Variants in EYS observed in about 807,000 individuals in gnomAD.
The protein encoded by EYS is EGF-like photoreceptor maintenance factor.
Under a neutral mutation model 282.1 loss-of-function variants are expected in EYS, and 250 were observed. That is an observed-to-expected ratio of 0.89 (90% CI 0.80 to 0.98). The LOEUF (loss-of-function observed/expected upper bound fraction) is 0.98, where lower values mean the gene tolerates loss of function less well. Among genes scored for constraint, EYS ranks in the 50% least tolerant of loss-of-function variants. The pLI, the probability that EYS is intolerant of heterozygous loss-of-function variation, is 0.00. For synonymous variants in EYS, 1,355 were observed against 1,282.9 expected (o/e 1.06, Z -1.20); for missense variants, 4,016 against 3,709.0 (o/e 1.08, Z -2.15).
intron 22 of EYS, among the ~76,000 whole-genome samples, chr6:64,688,544 T>C (rs1770246334): frequency 2.0e-5 from 3 of 152,194 alleles, no homozygotes; most frequent in Non-Finnish European, 4.4e-5. Flanking sequence ...TTGAGTGAGT[T>C]TCTTAATCCT....
intron 1 of EYS, among the ~76,000 whole-genome samples, chr6:65,652,381 A>G (rs1767684995): frequency 6.6e-6 from 1 of 152,026 alleles, no homozygotes; most frequent in African/African-American, 2.4e-5. Flanking sequence ...ATTGGAGGAA[A>G]AATTGTGCTG....
At chr6:64,237,282 G>A (rs1393869976) in intron 30 of EYS, among the ~76,000 whole-genome samples, 3 of 152,100 alleles carry the variant, frequency 2.0e-5, no homozygotes, top group African/African-American at 7.2e-5. Flanking sequence ...CATTCACCTG[G>A]AGTCACACAG....
At chr6:65,049,377 A>G (rs1239983731) in intron 13 of EYS, among the ~76,000 whole-genome samples, 1 of 151,782 alleles carries the variant, frequency 6.6e-6, no homozygotes, top group African/African-American at 2.4e-5. Flanking sequence ...TTCCAGGAAC[A>G]TGTATAATAC....
chr6:63,827,313 C>A (rs189516541), intron 36 of EYS, among the ~76,000 whole-genome samples: 1 of 152,142 alleles, frequency 6.6e-6, no homozygotes, highest in African/African-American at 2.4e-5. Flanking sequence ...CAGTCAGCAA[C>A]ACAATAATAG....
At chr6:65,044,688 C>T (rs750603892) in intron 13 of EYS, among the ~76,000 whole-genome samples, 2 of 151,960 alleles carry the variant, frequency 1.3e-5, no homozygotes, top group East Asian at 1.9e-4. Flanking sequence ...TATTTGGAAG[C>T]AGCCACAACC....
At position 63,806,301 on chromosome 6, in the gene EYS, G is replaced by A. The variant is rs1234060098; in HGVS notation, c.7300C>T (p.Arg2434Trp). 5 of 1,551,492 alleles carry A rather than the reference G, an allele frequency of 3.2e-6. No homozygotes were observed. In the African/African-American group the frequency reaches 4.1e-5, roughly 13 times the overall value. The change falls in exon 37 of 43, where the codon CGG becomes TGG. Residue 2434 changes from arginine (R) to tryptophan (W), a missense_variant. Physicochemically the swap from Arg to Trp is moderately radical, Grantham distance 101 (BLOSUM62 -3). Coordinates refer to ENST00000503581, the MANE Select transcript of EYS (RefSeq NM_001142800.2). ...FGYTSFLAYS[R>W]ISDISFHYEF... ...TAATGGAAGCTGATGTCTGAGATCCGTGAATAAGCCAGGAATGAGGTGTAT... is the reference window on the plus strand; with the variant it reads ...TAATGGAAGCTGATGTCTGAGATCCATGAATAAGCCAGGAATGAGGTGTAT...
intron 22 of EYS, among the ~76,000 whole-genome samples, chr6:64,705,835 GA>G (rs1481001075): frequency 7.0e-5 from 8 of 113,492 alleles, no homozygotes; most frequent in Non-Finnish European, 9.2e-5. Flanking sequence ...TGTGGGGTGG[GA>G]GGGAGGGGGG....
intron 35 of EYS, among the ~76,000 whole-genome samples, chr6:63,874,332 C>G (rs1054702090): frequency 3.3e-5 from 5 of 152,160 alleles, no homozygotes; most frequent in Admixed American, 1.3e-4. Flanking sequence ...TCTGAGGGCT[C>G]TGTTCTGTTC....
intron 23 of EYS, among the ~76,000 whole-genome samples, chr6:64,623,769 G>A (rs1376604679): frequency 2.0e-5 from 3 of 152,076 alleles, no homozygotes; most frequent in Admixed American, 2.0e-4. Context: ...TACTGTGAGG[G>A]TGGTTACACA....
At chr6:64,916,360 C>T (rs1768163097) in intron 15 of EYS, among the ~76,000 whole-genome samples, 1 of 152,084 alleles carries the variant, frequency 6.6e-6, no homozygotes. Context: ...TCCAAGGATC[C>T]AATCCTCAGG....
chr6:65,556,184 T>A (rs185273502), intron 2 of EYS, among the ~76,000 whole-genome samples: 119 of 152,292 alleles, frequency 7.8e-4, no homozygotes, highest in African/African-American at 2.3e-3. Flanking sequence ...ATACTTAAAC[T>A]CTTAAGTTGG....
chr6:64,058,071 C>T (rs1011534130), intron 33 of EYS, among the ~76,000 whole-genome samples: 12 of 152,052 alleles, frequency 7.9e-5, no homozygotes, highest in Admixed American at 5.9e-4. Context: ...TGGGAGAGAC[C>T]CAGTGGGAGG....
At position 65,694,207 on chromosome 6, in the gene EYS, A is replaced by C. The variant is rs1473283170; in HGVS notation, c.-448+12928T>G. On this transcript the variant is annotated intron_variant, in intron 1 of 42. Coordinates refer to ENST00000503581, the MANE Select transcript of EYS (RefSeq NM_001142800.2). ...TGGGAAGCAGAGGTTGTGGTGAGCC[A>C]AGATTGTGCCATTGCACTCCAGGCT... Among the ~76,000 whole-genome samples the C allele has an allele frequency of 1.5e-4, 22 of 150,226 alleles. 1 individual carries two copies. In the Admixed American group the frequency reaches 1.5e-3, roughly 10 times the overall value.
In EYS at chr6:64,813,386, A is replaced by G. The variant is rs897407671; in HGVS notation, c.3435T>C (p.Phe1145=). The change falls in exon 22 of 43, where the codon TTT becomes TTC. Residue 1145 remains phenylalanine (F), a synonymous_variant. Transcript: ENST00000503581. ...GICVDGPGHT[F]DCRCLPGFSG... is the part of the protein sequence containing the mutation. ...GGTAAATAAATACTGACCTGCAGTCAAAAGTATGTCCAGGCCCATCAACAC... is the reference window on the plus strand; with the variant it reads ...GGTAAATAAATACTGACCTGCAGTCGAAAGTATGTCCAGGCCCATCAACAC... 1.9e-6 allele frequency: 3 copies of G among 1,542,256 alleles called. No individual in the cohort carries two copies. Among genetic ancestry groups the G allele is most frequent in the Non-Finnish European group, 2.6e-6 (3 of 1,142,598 alleles).
intron 12 of EYS, among the ~76,000 whole-genome samples, chr6:65,176,116 T>C (rs1360250645): frequency 6.6e-6 from 1 of 151,550 alleles, no homozygotes; most frequent in Non-Finnish European, 1.5e-5. Flanking sequence ...TCTATTTTCT[T>C]AGGACATTTT....
intron 26 of EYS, among the ~76,000 whole-genome samples, chr6:64,472,051 G>A (rs562825082): frequency 6.6e-6 from 1 of 152,218 alleles, no homozygotes; most frequent in African/African-American, 2.4e-5. Context: ...CATGTATTAC[G>A]ATATCAGAGA....
At chr6:65,361,253 A>G (rs888339236) in intron 8 of EYS, among the ~76,000 whole-genome samples, 1 of 151,994 alleles carries the variant, frequency 6.6e-6, no homozygotes, top group African/African-American at 2.4e-5. Context: ...TTGGAGGTAT[A>G]CTTAATGTTA....
chr6:63,835,595 G>A (rs1582260067), intron 36 of EYS, among the ~76,000 whole-genome samples: 1 of 152,076 alleles, frequency 6.6e-6, no homozygotes, highest in African/African-American at 2.4e-5. Context: ...GAGTGGGAGG[G>A]AGGCGAGAGA....
intron 12 of EYS, among the ~76,000 whole-genome samples, chr6:65,272,736 T>C (rs1767938946): frequency 6.6e-6 from 1 of 152,186 alleles, no homozygotes; most frequent in Admixed American, 6.6e-5. Context: ...TAATGTTATA[T>C]TGAACAAATT....
Sources: allele counts gnomAD v4.1 joint callset (sites outside exome capture counted in the v4.1 genomes callset), GRCh38; gene constraint gnomAD v4.1.1; transcripts MANE v1.5; gene names NCBI Gene and HGNC (gene_info 2026-07-23, HGNC 2026-07-21).